Variants in DCC observed in about 807,000 individuals in gnomAD.
DCC encodes DCC netrin 1 receptor.
In DCC, 58 loss-of-function variants were observed where a neutral mutation model predicts 172.5. The observed-to-expected ratio is 0.34, with a 90% CI of 0.27 to 0.42. DCC has a LOEUF of 0.42. Among genes scored for constraint, DCC ranks in the 10% least tolerant of loss-of-function variants. The pLI is 1.00. For synonymous variants in DCC, 709 were observed against 644.5 expected (o/e 1.10, Z -1.52); for missense variants, 1,740 against 1,791.0 (o/e 0.97, Z 0.51).
intron 1 of DCC, among the ~76,000 whole-genome samples, chr18:52,478,790 A>G (rs1989169529): frequency 6.6e-6 from 1 of 152,190 alleles, no homozygotes; most frequent in African/African-American, 2.4e-5. Flanking sequence ...ACAGCATCAA[A>G]GAGATGGGGT....
At chr18:52,738,039 T>C (rs2036755380) in intron 1 of DCC, among the ~76,000 whole-genome samples, 1 of 152,150 alleles carries the variant, frequency 6.6e-6, no homozygotes, top group Non-Finnish European at 1.5e-5. Context: ...TTGTTATCTT[T>C]TACATGGCAA....
intron 1 of DCC, among the ~76,000 whole-genome samples, chr18:52,597,114 C>A (rs763373767): frequency 1.7e-4 from 15 of 87,740 alleles, no homozygotes; most frequent in Non-Finnish European, 2.9e-4. Context: ...TCTATTTTTG[C>A]CAGAAAAGTC....
At chr18:53,069,656 A>G (rs1214003762) in intron 7 of DCC, among the ~76,000 whole-genome samples, 1 of 151,344 alleles carries the variant, frequency 6.6e-6, no homozygotes, top group African/African-American at 2.4e-5. Context: ...GAAACCTTCC[A>G]TGAGTGTGGA....
intron 1 of DCC, among the ~76,000 whole-genome samples, chr18:52,554,369 C>A (rs1470522829): frequency 1.3e-5 from 2 of 152,074 alleles, no homozygotes; most frequent in Non-Finnish European, 2.9e-5. Flanking sequence ...CATAAAGTTG[C>A]AGGGGCTGCA....
intron 1 of DCC, among the ~76,000 whole-genome samples, chr18:52,610,815 T>G (rs1295591691): frequency 6.6e-6 from 1 of 151,632 alleles, no homozygotes; most frequent in Non-Finnish European, 1.5e-5. Flanking sequence ...AGTTACAAAA[T>G]CTTCTTTTGA....
chr18:52,659,053 G>A (rs1046191663), intron 1 of DCC, among the ~76,000 whole-genome samples: 2 of 151,980 alleles, frequency 1.3e-5, no homozygotes, highest in African/African-American at 4.8e-5. Flanking sequence ...TCTAGCCTGT[G>A]GCAACCATCC....
At chr18:52,563,845 T>G (rs776188329) in intron 1 of DCC, among the ~76,000 whole-genome samples, 27 of 152,202 alleles carry the variant, frequency 1.8e-4, no homozygotes, top group Admixed American at 5.9e-4. Flanking sequence ...ATCTGTTGTC[T>G]GTCATTTGGC....
rs1428381638 is a variant in DCC at position 53,435,135 on chromosome 18, A to G, written c.3164-9A>G. On this transcript the variant is annotated splice_polypyrimidine_tract_variant and intron_variant, in intron 21 of 28. Coordinates refer to ENST00000442544, the MANE Select transcript of DCC (RefSeq NM_005215.4). ...TACTGACATTGTGACATGCTCTCCC[A>G]ATGAACAGGTCGTCATGGAGATGGA... 1 of 1,605,342 alleles carries G rather than the reference A, an allele frequency of 6.2e-7. No individual in the cohort carries two copies. Among genetic ancestry groups the G allele is most frequent in the South Asian group, 1.1e-5 (1 of 90,926 alleles).
chr18:53,178,593 C>T (rs1198574856), intron 8 of DCC, among the ~76,000 whole-genome samples: 1 of 152,134 alleles, frequency 6.6e-6, no homozygotes, highest in African/African-American at 2.4e-5. Flanking sequence ...CTGTCATTAG[C>T]CGGATGTTTA....
intron 1 of DCC, 89 bp downstream of exon 1, chr18:52,340,967 T>C: frequency 9.6e-7 from 1 of 1,042,958 alleles, no homozygotes; most frequent in South Asian, 1.3e-5. Flanking sequence ...AGAATTGGGG[T>C]GGGGGATAGC....
At chr18:52,357,951 A>AT (rs200092275) in intron 1 of DCC, among the ~76,000 whole-genome samples, 13,756 of 149,154 alleles carry the variant, frequency 0.092, 694 homozygotes, top group Middle Eastern at 0.11. Flanking sequence ...AAAAAAAAAA[A>AT]AAAAATCTGA....
At chr18:53,086,921 GGACATGAACTCATCA>G (rs2042921906) in intron 7 of DCC, among the ~76,000 whole-genome samples, 1 of 151,546 alleles carries the variant, frequency 6.6e-6, no homozygotes, top group South Asian at 2.1e-4. Flanking sequence ...TCCCTACAAA[GGACATGAACTCATCA>G]TTTTTTATGG....
At chr18:53,057,888 G>A (rs983595923) in intron 5 of DCC, among the ~76,000 whole-genome samples, 36 of 151,984 alleles carry the variant, frequency 2.4e-4, no homozygotes, top group African/African-American at 7.7e-4. Flanking sequence ...AATCTGGTTG[G>A]TAAATAGTGA....
intron 1 of DCC, among the ~76,000 whole-genome samples, chr18:52,508,966 T>G (rs1005761282): frequency 2.6e-5 from 4 of 152,248 alleles, no homozygotes; most frequent in African/African-American, 7.2e-5. Flanking sequence ...CTGGCGTCAC[T>G]GACTGAAATG....
intron 27 of DCC, among the ~76,000 whole-genome samples, chr18:53,522,574 T>C (rs574182517): frequency 6.6e-6 from 1 of 152,106 alleles, no homozygotes; most frequent in East Asian, 1.9e-4. Flanking sequence ...AACAGAGATA[T>C]AAACCAATGG....
intron 1 of DCC, among the ~76,000 whole-genome samples, chr18:52,454,654 T>C (rs1203351602): frequency 6.6e-6 from 1 of 152,208 alleles, no homozygotes; most frequent in Non-Finnish European, 1.5e-5. Context: ...GTGTTTTTAC[T>C]TGAATTTATT....
At chr18:52,581,590 C>T (rs2033551759) in intron 1 of DCC, among the ~76,000 whole-genome samples, 1 of 152,048 alleles carries the variant, frequency 6.6e-6, no homozygotes, top group Non-Finnish European at 1.5e-5. Flanking sequence ...TCCCACCTTC[C>T]CATCTATACA....
At chr18:52,912,812 C>T (rs2039989455) in intron 3 of DCC, among the ~76,000 whole-genome samples, 1 of 151,992 alleles carries the variant, frequency 6.6e-6, no homozygotes, top group Admixed American at 6.6e-5. Flanking sequence ...TATTATTTCA[C>T]TCCATACTCA....
At chr18:52,820,047 C>T (rs1354843665) in intron 2 of DCC, among the ~76,000 whole-genome samples, 2 of 152,144 alleles carry the variant, frequency 1.3e-5, no homozygotes, top group Non-Finnish European at 2.9e-5. Context: ...ATTATTTTTT[C>T]AACGTGGGAG....
Sources: gnomAD v4.1 joint callset for allele counts (sites outside exome capture counted in the v4.1 genomes callset) on GRCh38, gnomAD v4.1.1 for gene constraint, MANE v1.5 for transcripts, NCBI Gene and HGNC (gene_info 2026-07-23, HGNC 2026-07-21) for gene names.